The following ARHGAP22 variants were observed in gnomAD, a reference collection of about 807,000 sequenced individuals.
The protein encoded by ARHGAP22 is Rho GTPase activating protein 22.
ARHGAP22 carries 48 observed loss-of-function variants against 59.1 expected under a neutral mutation model. That is an observed-to-expected ratio of 0.81 (90% confidence interval 0.64 to 1.03). The LOEUF is 1.03. ARHGAP22 is among the 50% of genes least tolerant of loss of function. The pLI, the probability that ARHGAP22 is intolerant of heterozygous loss-of-function variation, is 0.00. For synonymous variants in ARHGAP22, 445 were observed against 416.4 expected, an observed-to-expected ratio of 1.07 and a Z score of -0.84; for missense variants, 1,015 against 958.7, an observed-to-expected ratio of 1.06 and a Z score of -0.78.
At chr10:48,625,693 T>C (rs936987019) in intron 1 of ARHGAP22, among the ~76,000 whole-genome samples, 44 of 138,964 alleles carry the variant, frequency 3.2e-4, no homozygotes, top group South Asian at 9.9e-4. Context: ...CTGCAACGTG[T>C]ACACACACAC....
intron 3 of ARHGAP22, among the ~76,000 whole-genome samples, chr10:48,494,984 G>C (rs10776608): frequency 0.26 from 39,406 of 152,012 alleles, 5,254 homozygotes; most frequent in South Asian, 0.36. Context: ...CCCTGGGTGA[G>C]AGCCTTCGTC....
At position 48,450,345 on chromosome 10, in the gene ARHGAP22, C is replaced by G; in HGVS notation, c.1784G>C (p.Arg595Pro). The G allele has an allele frequency of 6.3e-7, 1 of 1,594,200 alleles. No individual in the cohort carries two copies. Among genetic ancestry groups the G allele is most frequent in the Non-Finnish European group, 8.5e-7 (1 of 1,170,968 alleles). ...PDSPTREHAR[R>P]SEALQGLVTE... ...GACCAGCCCCTGTAAGGCCTCGGAG[C>G]GGCGCGCGTGTTCCCGGGTGGGGCT... Residue 595 changes from arginine to proline, a missense_variant, in exon 9 of 10, where the codon CGC (arginine) becomes CCC (proline). Coordinates refer to ENST00000249601, the MANE Select transcript of ARHGAP22 (RefSeq NM_021226.4).
chr10:48,607,008 C>A (rs951745140), upstream of ARHGAP22, among the ~76,000 whole-genome samples: 2 of 152,136 alleles, frequency 1.3e-5, no homozygotes, highest in Non-Finnish European at 1.5e-5. Flanking sequence ...GGGACAGGGG[C>A]CACCCATGAG....
Position 48,486,543 on chromosome 10 carries a change from T to C in ARHGAP22, c.323-6779A>G, listed in dbSNP as rs182796337. On this transcript the variant is annotated intron_variant, in intron 3 of 9. Transcript: ENST00000249601. The stretch of plus-strand genomic sequence containing the variant: ...TTAGTAGAGACGGGGTTTCACCACG[T>C]TGGCCAGGCTGTTCTCGAACTCCTG... 3.4e-3 allele frequency among the ~76,000 whole-genome samples: 522 copies of C among 152,302 alleles called. 1 individual carries two copies. Among genetic ancestry groups the C allele is most frequent in the Middle Eastern group, 6.8e-3 (2 of 294 alleles).
At chr10:48,469,376 C>G (rs771773432) in intron 4 of ARHGAP22, among the ~76,000 whole-genome samples, 1 of 152,202 alleles carries the variant, frequency 6.6e-6, no homozygotes, top group Non-Finnish European at 1.5e-5. Flanking sequence ...CAGGGCAGGG[C>G]TGGGGAGCTG....
chr10:48,643,128 T>C (rs185565233), intron 1 of ARHGAP22, among the ~76,000 whole-genome samples: 112 of 152,324 alleles, frequency 7.4e-4, no homozygotes, highest in African/African-American at 2.6e-3. Flanking sequence ...GGAACACTTT[T>C]ACACTGTTGG....
intron 1 of ARHGAP22, among the ~76,000 whole-genome samples, chr10:48,648,507 C>T (rs1399078473): frequency 6.6e-6 from 1 of 152,212 alleles, no homozygotes. Context: ...CAGCATCAGC[C>T]TGGGTCTTTA....
At chr10:48,520,994 C>G (rs559217463) in intron 3 of ARHGAP22, among the ~76,000 whole-genome samples, 26 of 152,208 alleles carry the variant, frequency 1.7e-4, no homozygotes, top group Admixed American at 6.5e-4. Context: ...AATTTGCCAC[C>G]AAACAGACCC....
intron 2 of ARHGAP22, among the ~76,000 whole-genome samples, chr10:48,556,977 G>A (rs1467372895): frequency 2.6e-5 from 4 of 152,096 alleles, no homozygotes; most frequent in Admixed American, 6.5e-5. Flanking sequence ...GGAATCCTGC[G>A]CTCCAAGGAC....
intron 3 of ARHGAP22, among the ~76,000 whole-genome samples, chr10:48,514,373 CATTAAA>C (rs565986067): frequency 1.6e-3 from 241 of 152,248 alleles, no homozygotes; most frequent in African/African-American, 5.2e-3. Context: ...AAGAGATTCT[CATTAAA>C]ATTAACAGTT....
chr10:48,450,681 G>C lies in ARHGAP22; in HGVS notation c.1448C>G (p.Ser483Trp). 1.3e-6 allele frequency: 2 copies of C among 1,551,116 alleles called. No individual in the cohort carries two copies. Among genetic ancestry groups the C allele is most frequent in the Non-Finnish European group, 1.7e-6 (2 of 1,147,462 alleles). The change falls in exon 9 of 10, where the codon TCG (serine) becomes TGG (tryptophan). Residue 483 changes from serine (S) to tryptophan (W), a missense_variant. Coordinates refer to ENST00000249601, the MANE Select transcript of ARHGAP22 (RefSeq NM_021226.4). ...RASSGDRLKDSGSVQRLSTYD... is the reference protein window; with the variant it reads ...RASSGDRLKDWGSVQRLSTYD... ...GGTGGAGAGTCTCTGCACGGAGCCC[G>C]AGTCCTTGAGCCGGTCTCCCGACGA...
rs1239226599 is a variant in ARHGAP22 at position 48,506,880 on chromosome 10, CAAG to C, written c.323-27119_323-27117del. ...TTTCTGCAGAAGGAAACTGCTCAAG[CAAG>C]AAGGCCAGAGCTAGGATTTTATGCT... On this transcript the variant is annotated intron_variant, in intron 3 of 9. Coordinates refer to ENST00000249601, the MANE Select transcript of ARHGAP22 (RefSeq NM_021226.4). 2.0e-5 allele frequency among the ~76,000 whole-genome samples: 3 copies of C among 152,166 alleles called. No individual in the cohort carries two copies. The East Asian group carries it at 5.8e-4, about 29-fold the overall frequency.
chr10:48,450,554 T>C lies in ARHGAP22; in HGVS notation c.1575A>G (p.Ser525=), dbSNP rs1428621618. The change falls in exon 9 of 10, where the codon TCA becomes TCG. Residue 525 remains serine, a synonymous_variant. Coordinates refer to ENST00000249601, the MANE Select transcript of ARHGAP22 (RefSeq NM_021226.4). Reference sequence around the variant, plus strand: ...CGCGGCAGGCCGTGCAGCTGCTGAGTGAGCCCCCCACCGACGACTCGCTGG... The same window carrying C: ...CGCGGCAGGCCGTGCAGCTGCTGAGCGAGCCCCCCACCGACGACTCGCTGG... ...ASSSESSVGG[S]LSSCTACRAS... 1 of 1,523,630 alleles carries C rather than the reference T, an allele frequency of 6.6e-7. No homozygotes were observed. Among genetic ancestry groups the C allele is most frequent in the Non-Finnish European group, 8.8e-7 (1 of 1,136,076 alleles). The allele number at this position is 1,523,630 out of a possible 1,614,324, so 94.4% of individuals were successfully genotyped here. A position where few individuals can be genotyped will look rare whatever the true frequency, so the allele number is the denominator to read the frequency against.
chr10:48,454,205 C>G (rs777630480), intron 6 of ARHGAP22, 44 bp from the exon 7 acceptor site: 1 of 1,556,754 alleles, frequency 6.4e-7, no homozygotes, highest in Non-Finnish European at 8.9e-7. Context: ...CAATGAGGGC[C>G]CTGACTGTTC....
chr10:48,581,898 C>T (rs1213826717), intron 2 of ARHGAP22, among the ~76,000 whole-genome samples: 1 of 152,214 alleles, frequency 6.6e-6, no homozygotes, highest in Non-Finnish European at 1.5e-5. Flanking sequence ...GCACTGAAAG[C>T]TCTAAGTAAG....
intron 3 of ARHGAP22, among the ~76,000 whole-genome samples, chr10:48,485,014 A>G (rs2049712202): frequency 1.3e-5 from 2 of 152,198 alleles, no homozygotes; most frequent in South Asian, 4.1e-4. Flanking sequence ...CTCTGTCACA[A>G]CTACTTTACT....
intron 3 of ARHGAP22, among the ~76,000 whole-genome samples, chr10:48,540,200 A>C (rs1311257337): frequency 1.3e-5 from 2 of 152,226 alleles, no homozygotes; most frequent in Non-Finnish European, 2.9e-5. Context: ...TATTATGTGC[A>C]CTAGTACACA....
chr10:48,479,840 A>G (rs2134075498), intron 3 of ARHGAP22, 76 bp from the exon 4 acceptor site: 2 of 1,394,298 alleles, frequency 1.4e-6, no homozygotes, highest in South Asian at 1.5e-5. Flanking sequence ...ACTAGTCAGC[A>G]TTACTCCCTG....
At chr10:48,489,553 T>G (rs767209762) in intron 3 of ARHGAP22, among the ~76,000 whole-genome samples, 2 of 152,178 alleles carry the variant, frequency 1.3e-5, no homozygotes, top group African/African-American at 2.4e-5. Flanking sequence ...GAAACATTAG[T>G]ATTAGCTTTA....
Sources: allele counts gnomAD v4.1 joint callset (sites outside exome capture counted in the v4.1 genomes callset), GRCh38; gene constraint gnomAD v4.1.1; transcripts MANE v1.5; gene names NCBI Gene and HGNC (gene_info 2026-07-23, HGNC 2026-07-21).